Variants in GMDS observed in about 807,000 individuals in gnomAD.
The protein encoded by GMDS is GDP-mannose 4,6-dehydratase.
Under a neutral mutation model 49.9 loss-of-function variants are expected in GMDS, and 20 were observed. That is an observed-to-expected ratio of 0.40 (90% CI 0.28 to 0.58). The LOEUF is 0.58. Ranked by LOEUF, GMDS falls within the 20% of genes least tolerant of loss-of-function variation. The probability of loss-of-function intolerance (pLI) is 0.42; values close to 1 mark genes in which losing one functional copy is unlikely to be tolerated. For synonymous variants in GMDS, 177 were observed against 178.6 expected, an observed-to-expected ratio of 0.99 and a Z score of 0.07; for missense variants, 362 against 481.4, an observed-to-expected ratio of 0.75 and a Z score of 2.32.
chr6:1,636,994 G>A (rs1763173592), intron 9 of GMDS, among the ~76,000 whole-genome samples: 2 of 152,250 alleles, frequency 1.3e-5, no homozygotes, highest in Admixed American at 1.3e-4. Flanking sequence ...AGGCCTGCTG[G>A]TGCTCGCATA....
intron 4 of GMDS, among the ~76,000 whole-genome samples, chr6:1,962,316 T>A (rs1004229438): frequency 2.0e-5 from 3 of 152,220 alleles, no homozygotes; most frequent in African/African-American, 7.2e-5. Flanking sequence ...ATTTGCCTAC[T>A]GTGGATGTTT....
intron 9 of GMDS, among the ~76,000 whole-genome samples, chr6:1,689,062 A>G (rs140399929): frequency 2.0e-5 from 3 of 152,350 alleles, no homozygotes; most frequent in East Asian, 3.9e-4. Context: ...CCTTTGGGCC[A>G]TAATAAGCAC....
intron 1 of GMDS, among the ~76,000 whole-genome samples, chr6:2,187,021 G>C (rs1241875873): frequency 6.6e-6 from 1 of 152,144 alleles, no homozygotes; most frequent in Non-Finnish European, 1.5e-5. Context: ...AATGATTCTT[G>C]CTCTTTAGTC....
chr6:1,811,688 G>A (rs1770436572), intron 7 of GMDS, among the ~76,000 whole-genome samples: 1 of 151,126 alleles, frequency 6.6e-6, no homozygotes, highest in Admixed American at 6.6e-5. Context: ...CTCACTGAAA[G>A]ATGCAAATAC....
chr6:1,962,619 T>G (rs1764018228), intron 4 of GMDS, among the ~76,000 whole-genome samples: 1 of 152,192 alleles, frequency 6.6e-6, no homozygotes, highest in Non-Finnish European at 1.5e-5. Context: ...TTGTGGTTTT[T>G]CTTTTTCCTA....
At chr6:1,628,589 G>C (rs1245086198) in intron 9 of GMDS, among the ~76,000 whole-genome samples, 1 of 152,200 alleles carries the variant, frequency 6.6e-6, no homozygotes, top group Non-Finnish European at 1.5e-5. Flanking sequence ...CTAGGTGTTG[G>C]ATGCCACATT....
At chr6:2,210,515 G>A (rs1780015960) in intron 1 of GMDS, among the ~76,000 whole-genome samples, 1 of 152,174 alleles carries the variant, frequency 6.6e-6, no homozygotes, top group African/African-American at 2.4e-5. Context: ...TAAGACATGA[G>A]TATGGGGTTC....
intron 9 of GMDS, among the ~76,000 whole-genome samples, chr6:1,673,180 G>A (rs1414542779): frequency 6.6e-6 from 1 of 152,072 alleles, no homozygotes; most frequent in Non-Finnish European, 1.5e-5. Flanking sequence ...AGTATCTCAG[G>A]CTGTCCAGCC....
chr6:2,071,970 T>C (rs145004119), intron 4 of GMDS, among the ~76,000 whole-genome samples: 100 of 152,230 alleles, frequency 6.6e-4, no homozygotes, highest in African/African-American at 2.3e-3. Context: ...AGAGTAAAAG[T>C]GATGAAAAAG....
intron 9 of GMDS, among the ~76,000 whole-genome samples, chr6:1,702,859 C>G (rs188103456): frequency 6.6e-6 from 1 of 152,172 alleles, no homozygotes; most frequent in Non-Finnish European, 1.5e-5. Context: ...AAGATAACTT[C>G]GGCTCTGTGA....
chr6:2,223,127 C>A (rs892581603), intron 1 of GMDS, among the ~76,000 whole-genome samples: 4 of 150,472 alleles, frequency 2.7e-5, no homozygotes, highest in Admixed American at 2.0e-4. Context: ...ATCAATCAAT[C>A]AATAGCGCGC....
intron 9 of GMDS, among the ~76,000 whole-genome samples, chr6:1,653,142 C>T (rs1763769016): frequency 6.7e-6 from 1 of 150,250 alleles, no homozygotes; most frequent in Non-Finnish European, 1.5e-5. Flanking sequence ...GCCAGTGTCA[C>T]TTCCCATCTA....
intron 9 of GMDS, among the ~76,000 whole-genome samples, chr6:1,696,629 C>T (rs1261323330): frequency 6.6e-6 from 1 of 152,202 alleles, no homozygotes; most frequent in Non-Finnish European, 1.5e-5. Context: ...GTAAGGCAGA[C>T]ATTATGATGT....
At chr6:1,944,705 G>A (rs11242726) in intron 6 of GMDS, among the ~76,000 whole-genome samples, 49,824 of 148,762 alleles carry the variant, frequency 0.33, 8,762 homozygotes, top group East Asian at 0.53. Context: ...TTTCACGTTC[G>A]AAGTAACTTA....
intron 9 of GMDS, 166 bp from the exon 10 acceptor site, chr6:1,624,706 C>T (rs1762792165): frequency 1.6e-6 from 1 of 611,694 alleles, no homozygotes; most frequent in Non-Finnish European, 2.9e-6. Context: ...GCTCTCGGCG[C>T]CGTAAATCAC....
At chr6:1,708,430 C>A (rs148360635) in intron 9 of GMDS, among the ~76,000 whole-genome samples, 1 of 152,346 alleles carries the variant, frequency 6.6e-6, no homozygotes, top group Non-Finnish European at 1.5e-5. Flanking sequence ...AATACAGCAA[C>A]AGCAACGAGG....
intron 4 of GMDS, among the ~76,000 whole-genome samples, chr6:2,002,451 C>T: frequency 6.6e-6 from 1 of 152,134 alleles, no homozygotes; most frequent in Non-Finnish European, 1.5e-5. Context: ...TCCTTTCTTA[C>T]CTTTACTGTT....
chr6:2,170,636 TAA>T (rs201614473), intron 1 of GMDS, among the ~76,000 whole-genome samples: 4 of 127,164 alleles, frequency 3.1e-5, no homozygotes, highest in Non-Finnish European at 5.2e-5. Context: ...TAAAAAAAAA[TAA>T]AAAAAAAAAA....
chr6:1,689,968 C>G (rs1765117803), intron 9 of GMDS, among the ~76,000 whole-genome samples: 1 of 151,988 alleles, frequency 6.6e-6, no homozygotes, highest in South Asian at 2.1e-4. Context: ...CAAAATAAAA[C>G]TGGGTACCCA....
Sources: allele counts gnomAD v4.1 joint callset (sites outside exome capture counted in the v4.1 genomes callset), GRCh38; gene constraint gnomAD v4.1.1; transcripts MANE v1.5; gene names NCBI Gene and HGNC (gene_info 2026-07-23, HGNC 2026-07-21).